Variants in CUL1 observed in about 807,000 individuals in gnomAD.
The protein encoded by CUL1 is cullin 1.
A neutral mutation model predicts 118.0 loss-of-function variants in CUL1; 24 were observed. The observed-to-expected ratio is 0.20, with a 90% CI of 0.15 to 0.29. CUL1 has a LOEUF of 0.29. Among genes scored for constraint, CUL1 ranks in the 10% least tolerant of loss-of-function variants. The pLI, the probability that CUL1 is intolerant of heterozygous loss-of-function variation, is 1.00. For missense variants in CUL1, 361 were observed against 933.8 expected (o/e 0.39, Z 7.99); for synonymous variants, 332 against 340.4 (o/e 0.98, Z 0.27).
intron 1 of CUL1, among the ~76,000 whole-genome samples, chr7:148,725,274 T>G (rs190886248): frequency 6.7e-6 from 1 of 148,916 alleles, no homozygotes; most frequent in East Asian, 2.0e-4. Context: ...CTGGAAAACT[T>G]CATTGCCTGA....
At chr7:148,741,977 A>G (rs1799155796) in intron 2 of CUL1, among the ~76,000 whole-genome samples, 1 of 152,358 alleles carries the variant, frequency 6.6e-6, no homozygotes, top group Middle Eastern at 3.4e-3. Flanking sequence ...AATCAGGTCC[A>G]CAGATTCATG....
chr7:148,758,207 C>T (rs1387551003), intron 4 of CUL1, among the ~76,000 whole-genome samples: 7 of 151,732 alleles, frequency 4.6e-5, no homozygotes, highest in African/African-American at 1.7e-4. Flanking sequence ...AGGGAGGACT[C>T]AGAACAGTCT....
intron 9 of CUL1, 109 bp from the exon 10 acceptor site, chr7:148,783,674 A>G (rs1426334197): frequency 6.4e-7 from 1 of 1,565,622 alleles, no homozygotes; most frequent in Non-Finnish European, 8.7e-7. Context: ...TTGAAAAGGT[A>G]TCTATAGCTT....
chr7:148,772,324 A>T (rs1410210186), intron 9 of CUL1, among the ~76,000 whole-genome samples: 1 of 152,088 alleles, frequency 6.6e-6, no homozygotes, highest in African/African-American at 2.4e-5. Flanking sequence ...CTGAGGCAGG[A>T]GAATCACTTG....
At chr7:148,747,928 A>C (rs1256510443) in intron 2 of CUL1, among the ~76,000 whole-genome samples, 1 of 152,238 alleles carries the variant, frequency 6.6e-6, no homozygotes, top group African/African-American at 2.4e-5. Flanking sequence ...AATATCTCAC[A>C]TAGACGTAAT....
rs564150630 is a variant in CUL1 at position 148,797,777 on chromosome 7, T to C, written c.1900-35T>C. The C allele has an allele frequency of 7.1e-5, 112 of 1,576,736 alleles. No individual in the cohort carries two copies. The East Asian group carries it at 2.5e-3, about 35-fold the overall frequency. On this transcript the variant is annotated intron_variant, in intron 17 of 21. Coordinates refer to ENST00000325222, the MANE Select transcript of CUL1 (RefSeq NM_003592.3). ...GGTTATTGCAAAGAAAAATGCATTT[T>C]CCCTTTAACTTCCTCTTTTTCTCTT...
At position 148,791,163 on chromosome 7, in the gene CUL1, T is replaced by C. The variant is rs1800993079; in HGVS notation, c.1806+722T>C. The stretch of plus-strand genomic sequence containing the variant: ...TAGCAAGACCCCATCTCTAGATATT[T>C]TTTAAAGTAAAAAGAAAAAAAAGTC... On this transcript the variant is annotated intron_variant, in intron 16 of 21. Transcript: ENST00000325222. 2.0e-5 allele frequency among the ~76,000 whole-genome samples: 3 copies of C among 152,168 alleles called. No individual in the cohort carries two copies. In the South Asian group the frequency reaches 6.2e-4, roughly 32 times the overall value.
At chr7:148,751,296 T>C (rs1017475569) in intron 2 of CUL1, among the ~76,000 whole-genome samples, 2 of 152,038 alleles carry the variant, frequency 1.3e-5, no homozygotes, top group Admixed American at 1.3e-4. Flanking sequence ...TCTGTAATCC[T>C]AGCAACTTTG....
chr7:148,784,815 C>T (rs1194637800), intron 11 of CUL1, among the ~76,000 whole-genome samples: 2 of 151,750 alleles, frequency 1.3e-5, no homozygotes, highest in East Asian at 1.9e-4. Flanking sequence ...AGCATAACCC[C>T]GATACAAAAA....
intron 1 of CUL1, among the ~76,000 whole-genome samples, chr7:148,726,482 C>T (rs1035284783): frequency 1.3e-5 from 2 of 151,962 alleles, no homozygotes; most frequent in Non-Finnish European, 2.9e-5. Context: ...TTAAAGCTAT[C>T]GGCTCTTTTA....
intron 1 of CUL1, among the ~76,000 whole-genome samples, chr7:148,722,040 T>C (rs960977955): frequency 3.9e-5 from 6 of 152,240 alleles, no homozygotes; most frequent in African/African-American, 1.2e-4. Flanking sequence ...TAATAAGTTA[T>C]ATTCTGCTCT....
chr7:148,752,938 C>T (rs755327112), intron 2 of CUL1, among the ~76,000 whole-genome samples: 4 of 152,244 alleles, frequency 2.6e-5, no homozygotes, highest in Non-Finnish European at 5.9e-5. Flanking sequence ...AGGCGCGAGC[C>T]ACCGCGCCCA....
At chr7:148,750,993 AAAAAAAC>A (rs1315517133) in intron 2 of CUL1, among the ~76,000 whole-genome samples, 8 of 151,948 alleles carry the variant, frequency 5.3e-5, no homozygotes, top group African/African-American at 1.9e-4. Flanking sequence ...TTAAAAAAAA[AAAAAAAC>A]AAAACAAAAC....
At chr7:148,739,929 CCT>C (rs967890159) in intron 2 of CUL1, among the ~76,000 whole-genome samples, 6 of 151,950 alleles carry the variant, frequency 3.9e-5, no homozygotes, top group Admixed American at 2.0e-4. Context: ...TTAAATTTCC[CCT>C]GTGTGGATAT....
At chr7:148,722,927 G>T (rs1210901043) in intron 1 of CUL1, among the ~76,000 whole-genome samples, 1 of 152,206 alleles carries the variant, frequency 6.6e-6, no homozygotes, top group Non-Finnish European at 1.5e-5. Flanking sequence ...CATGCCCTTT[G>T]CAGCCTTCTT....
intron 1 of CUL1, among the ~76,000 whole-genome samples, chr7:148,716,202 A>G (rs1798210008): frequency 6.6e-6 from 1 of 152,178 alleles, no homozygotes; most frequent in African/African-American, 2.4e-5. Flanking sequence ...AAGTGTAGCA[A>G]ACATGTCCAT....
Position 148,789,818 on chromosome 7 carries a change from C to A in CUL1, c.1666C>A (p.Pro556Thr), listed in dbSNP as rs1800945565. The A allele has an allele frequency of 6.2e-7, 1 of 1,613,952 alleles. No homozygotes were observed. The highest frequency in any genetic ancestry group is 1.7e-5 in the Admixed American group (1 of 60,006). ...CCAGCAGTCTTGTACATTTGCCTTG[C>A]CGTCAGAGGTAAGGATGGGTTTGTC... ...PFQQSCTFAL[P>T]SELERSYQRF... The change falls in exon 15 of 22, where the codon CCG becomes ACG. Residue 556 changes from proline to threonine, a missense_variant. Pro to Thr is a conservative substitution (Grantham distance 38). This residue lies in a region of CUL1 where 84 missense variants were observed against 203.3 expected (regional missense o/e 0.41). Coordinates refer to ENST00000325222, the MANE Select transcript of CUL1 (RefSeq NM_003592.3).
chr7:148,789,646 A>C, intron 14 of CUL1, 104 bp from the exon 15 acceptor site: 1 of 818,168 alleles, frequency 1.2e-6, no homozygotes, highest in Non-Finnish European at 2.0e-6. Context: ...TGTGCTTTTT[A>C]ATAAAGAGCA....
chr7:148,738,498 G>A (rs1006097979), intron 2 of CUL1, among the ~76,000 whole-genome samples: 3 of 152,116 alleles, frequency 2.0e-5, no homozygotes, highest in African/African-American at 7.2e-5. Flanking sequence ...ATAAACCCCT[G>A]TACCACCTTA....
Sources: allele counts gnomAD v4.1 joint callset (sites outside exome capture counted in the v4.1 genomes callset), GRCh38; gene constraint gnomAD v4.1.1; regional missense constraint gnomAD v4.1.1; transcripts MANE v1.5; gene names NCBI Gene and HGNC (gene_info 2026-07-23, HGNC 2026-07-21).